Variants in ASTN1 observed in about 807,000 individuals in gnomAD.
ASTN1 encodes the protein astrotactin 1.
In ASTN1, 41 loss-of-function variants were observed where a neutral mutation model predicts 140.7. That is an observed-to-expected ratio of 0.29 (90% CI 0.23 to 0.38). ASTN1 has a LOEUF of 0.38. Ranked by LOEUF, ASTN1 falls within the 10% of genes least tolerant of loss-of-function variation. The pLI is 1.00. For synonymous variants in ASTN1, 640 were observed against 652.2 expected (o/e 0.98, Z 0.29); for missense variants, 1,479 against 1,678.8 (o/e 0.88, Z 2.08).
downstream of ASTN1, among the ~76,000 whole-genome samples, chr1:176,859,583 G>A (rs1667905161): frequency 1.3e-5 from 2 of 152,120 alleles, no homozygotes; most frequent in Admixed American, 6.5e-5. Flanking sequence ...TCAGGAGTTC[G>A]AGACCAGCCT....
intron 8 of ASTN1, among the ~76,000 whole-genome samples, chr1:177,000,884 G>C (rs150441650): frequency 3.9e-5 from 6 of 152,308 alleles, no homozygotes; most frequent in African/African-American, 1.4e-4. Context: ...TCTACAATGG[G>C]TGGCAGATTG....
At chr1:177,102,977 G>A (rs1412971943) in intron 1 of ASTN1, among the ~76,000 whole-genome samples, 2 of 152,160 alleles carry the variant, frequency 1.3e-5, no homozygotes, top group African/African-American at 4.8e-5. Flanking sequence ...ACTAGAAACT[G>A]AAATACGCAT....
chr1:176,904,601 A>G (rs1220906919), intron 16 of ASTN1, among the ~76,000 whole-genome samples: 1 of 152,140 alleles, frequency 6.6e-6, no homozygotes, highest in East Asian at 1.9e-4. Context: ...GCTGCCAGGA[A>G]AGAGCCTCCC....
intron 9 of ASTN1, 51 bp downstream of exon 9, chr1:176,965,112 G>T: frequency 6.4e-7 from 1 of 1,554,426 alleles, no homozygotes; most frequent in Non-Finnish European, 8.9e-7. Flanking sequence ...GGGGGAAGCG[G>T]AACACAGGGT....
intron 8 of ASTN1, among the ~76,000 whole-genome samples, chr1:177,007,684 A>T (rs1044761101): frequency 1.3e-5 from 2 of 152,044 alleles, no homozygotes; most frequent in Admixed American, 6.5e-5. Context: ...TGCTCTATGA[A>T]CCGGCATGCA....
chr1:176,971,417 A>G (rs1373431004), intron 8 of ASTN1, among the ~76,000 whole-genome samples: 2 of 152,192 alleles, frequency 1.3e-5, no homozygotes, highest in Non-Finnish European at 2.9e-5. Context: ...GTTAGTAAGA[A>G]TAATGATGAA....
chr1:177,116,105 C>T (rs1317844255), intron 1 of ASTN1, among the ~76,000 whole-genome samples: 1 of 152,116 alleles, frequency 6.6e-6, no homozygotes, highest in East Asian at 1.9e-4. Context: ...ATCAAGTTCT[C>T]ATCCCATCTG....
In ASTN1 at chr1:176,863,407, A is replaced by T. The variant is rs115739603; in HGVS notation, c.*877T>A. 1,229 of 985,850 alleles carry T rather than the reference A, an allele frequency of 1.2e-3. 9 individuals are homozygous for T. In the African/African-American group the frequency reaches 0.019, roughly 15 times the overall value. 61.1% of individuals were successfully genotyped at this position (985,850 alleles called of 1,614,324 possible). ...AAAGATAATCCAGGCACATGGATAT[A>T]TATTGGTAGGCTGGAGAAGTCTATC... is the stretch of plus-strand genomic sequence containing the variant. On this transcript the variant is annotated 3_prime_UTR_variant, in exon 23 of 23. Transcript: ENST00000361833.
intron 1 of ASTN1, among the ~76,000 whole-genome samples, chr1:177,074,303 T>C (rs1041307856): frequency 6.6e-6 from 1 of 152,220 alleles, no homozygotes; most frequent in Non-Finnish European, 1.5e-5. Context: ...ATCATCTATA[T>C]CATTTATAAA....
chr1:177,002,215 A>G (rs1674760900), intron 8 of ASTN1, among the ~76,000 whole-genome samples: 1 of 152,218 alleles, frequency 6.6e-6, no homozygotes, highest in Non-Finnish European at 1.5e-5. Context: ...AAACTTGTTG[A>G]GAAGGGCCAT....
chr1:176,878,271 C>T (rs1453367066), intron 20 of ASTN1, among the ~76,000 whole-genome samples: 1 of 152,206 alleles, frequency 6.6e-6, no homozygotes, highest in Non-Finnish European at 1.5e-5. Context: ...CCCTTCACTC[C>T]TGTCTACAAC....
intron 20 of ASTN1, among the ~76,000 whole-genome samples, chr1:176,877,891 C>T (rs537234233): frequency 1.8e-4 from 28 of 152,246 alleles, no homozygotes; most frequent in African/African-American, 5.5e-4. Context: ...ATGGAACAGA[C>T]GTGCTGGTGA....
intron 1 of ASTN1, among the ~76,000 whole-genome samples, chr1:177,062,608 A>T: frequency 6.6e-6 from 1 of 151,976 alleles, no homozygotes. Context: ...TGGCCAAAAA[A>T]TAATAATAAT....
At chr1:177,144,521 G>T (rs1160837455) in intron 1 of ASTN1, among the ~76,000 whole-genome samples, 2 of 149,868 alleles carry the variant, frequency 1.3e-5, no homozygotes, top group African/African-American at 4.9e-5. Flanking sequence ...CAAAGTGCTG[G>T]GATTACAGAC....
intron 1 of ASTN1, among the ~76,000 whole-genome samples, chr1:177,100,525 T>G (rs1207116785): frequency 6.6e-6 from 1 of 152,078 alleles, no homozygotes; most frequent in African/African-American, 2.4e-5. Flanking sequence ...ACCATAAAAA[T>G]GAACAAGCTG....
intron 8 of ASTN1, among the ~76,000 whole-genome samples, chr1:176,995,751 T>A (rs912364758): frequency 6.6e-6 from 1 of 152,132 alleles, no homozygotes; most frequent in African/African-American, 2.4e-5. Context: ...ACATAAATTT[T>A]AGATAGATCT....
chr1:176,949,213 T>TG lies in ASTN1; in HGVS notation c.2025dup (p.Thr676HisfsTer4), dbSNP rs1672082921. 6.2e-7 allele frequency: 1 copy of TG among 1,613,986 alleles called. No homozygotes were observed. The highest frequency in any genetic ancestry group is 8.5e-7 in the Non-Finnish European group (1 of 1,180,010). ...CAGAACATGAGGATGTTATACAAGG[T>TG]GGGGTCGTCCGGGAAGGGCGCCATC... On this transcript the variant is annotated frameshift_variant, in exon 12 of 23. Coordinates refer to ENST00000361833, the MANE Select transcript of ASTN1 (RefSeq NM_004319.3). LOFTEE classifies it high-confidence loss of function.
chr1:176,867,062 G>A (rs1668150192), intron 22 of ASTN1, among the ~76,000 whole-genome samples: 1 of 152,212 alleles, frequency 6.6e-6, no homozygotes. Context: ...CCTGGGAGGA[G>A]AGTGTGCAGT....
At chr1:177,135,411 C>T (rs1005238053) in intron 1 of ASTN1, among the ~76,000 whole-genome samples, 2 of 151,788 alleles carry the variant, frequency 1.3e-5, no homozygotes, top group African/African-American at 4.8e-5. Flanking sequence ...AGATTCACTC[C>T]CTGGAGGCAG....
Sources: gnomAD v4.1 joint callset for allele counts (sites outside exome capture counted in the v4.1 genomes callset) on GRCh38, gnomAD v4.1.1 for gene constraint, MANE v1.5 for transcripts, NCBI Gene and HGNC (gene_info 2026-07-23, HGNC 2026-07-21) for gene names.